ASAP3: variants seen among roughly 807,000 people sequenced by gnomAD.
The protein encoded by ASAP3 is ArfGAP with SH3 domain, ankyrin repeat and PH domain 3.
Under a neutral mutation model 118.2 loss-of-function variants are expected in ASAP3, and 85 were observed. The ratio of observed to expected loss-of-function variants is 0.72; its 90% CI spans 0.60 to 0.86. The LOEUF is 0.86. Ranked by LOEUF, ASAP3 falls within the 40% of genes least tolerant of loss-of-function variation. The pLI, the probability that ASAP3 is intolerant of heterozygous loss-of-function variation, is 0.00. For synonymous variants in ASAP3, 432 were observed against 477.4 expected (o/e 0.90, Z 1.24); for missense variants, 1,026 against 1,175.0 (o/e 0.87, Z 1.85).
At chr1:23,442,825 T>C (rs948249363) in intron 5 of ASAP3, among the ~76,000 whole-genome samples, 7 of 152,140 alleles carry the variant, frequency 4.6e-5, no homozygotes, top group Middle Eastern at 3.4e-3. Context: ...CGCAGAGAAC[T>C]ATGGGAGAGA....
chr1:23,457,934 G>C (rs1641441093), intron 1 of ASAP3, among the ~76,000 whole-genome samples: 1 of 152,220 alleles, frequency 6.6e-6, no homozygotes, highest in Non-Finnish European at 1.5e-5. Context: ...ACAGGATTTA[G>C]CTTGGTGCTA....
Position 23,438,721 on chromosome 1 carries a change from G to A in ASAP3, c.1102+26C>T, listed in dbSNP as rs78903526. 4.7e-4 allele frequency: 759 copies of A among 1,607,694 alleles called. 4 individuals carry two copies. The African/African-American group carries it at 9.1e-3, about 19-fold the overall frequency. Reference sequence around the variant, plus strand: ...AGAGAAGCCCTGAGCAGCTGTGGGTGGGGGAGAGGCACAGGGACCACTCAC... The same window carrying A: ...AGAGAAGCCCTGAGCAGCTGTGGGTAGGGGAGAGGCACAGGGACCACTCAC... On this transcript the variant is annotated intron_variant, in intron 12 of 24. Transcript: ENST00000336689. This position sits in a 1 kb window ranked among gnomAD's most constrained non-coding sequence, Gnocchi z 4.9.
rs143578284 is a variant in ASAP3 at position 23,475,737 on chromosome 1, A to G, written c.129+8268T>C. ...TGTAACCCTAACATTTTGGGAGGCC[A>G]AGGCAAGAGGATCACTTAAGCCCAA... On this transcript the variant is annotated intron_variant, in intron 1 of 24. Coordinates refer to ENST00000336689, the MANE Select transcript of ASAP3 (RefSeq NM_017707.4). Among the ~76,000 whole-genome samples the G allele has an allele frequency of 2.4e-4, 37 of 152,308 alleles. No individual in the cohort carries two copies. The East Asian group carries it at 7.1e-3, about 29-fold the overall frequency.
In ASAP3 at chr1:23,460,236, G is replaced by C. The variant is rs138109623; in HGVS notation, c.130-4042C>G. The stretch of plus-strand genomic sequence containing the variant: ...TACTGGCAAAGGGAGGCCGGGCACG[G>C]TGGTTCACGCCTATAATCCCAGCAC... On this transcript the variant is annotated intron_variant, in intron 1 of 24. Coordinates refer to ENST00000336689, the MANE Select transcript of ASAP3 (RefSeq NM_017707.4). Among the ~76,000 whole-genome samples the C allele has an allele frequency of 5.1e-3, 782 of 152,240 alleles. 9 individuals are homozygous for C. Among genetic ancestry groups the C allele is most frequent in the African/African-American group, 0.017 (725 of 41,534 alleles).
chr1:23,442,155 G>A (rs767143560), intron 7 of ASAP3, 31 bp downstream of exon 7: 2 of 1,572,182 alleles, frequency 1.3e-6, no homozygotes, highest in South Asian at 2.3e-5. Flanking sequence ...CACTGGAAGG[G>A]TTAGTGGCAG....
At chr1:23,481,172 T>G (rs1454209493) in intron 1 of ASAP3, among the ~76,000 whole-genome samples, 1 of 152,188 alleles carries the variant, frequency 6.6e-6, no homozygotes, top group African/African-American at 2.4e-5. Context: ...CTAGCTGGTC[T>G]CTATCTTAAA....
At chr1:23,442,881 G>A (rs1166778957) in intron 5 of ASAP3, among the ~76,000 whole-genome samples, 1 of 152,208 alleles carries the variant, frequency 6.6e-6, no homozygotes, top group Non-Finnish European at 1.5e-5. Context: ...AGTGATGTCT[G>A]AGCTGGGATC....
intron 5 of ASAP3, among the ~76,000 whole-genome samples, chr1:23,448,447 T>C (rs1477586013): frequency 1.3e-5 from 2 of 152,272 alleles, no homozygotes; most frequent in African/African-American, 4.8e-5. Context: ...GCTGCTATTA[T>C]TACTAATTAT....
intron 5 of ASAP3, among the ~76,000 whole-genome samples, chr1:23,444,894 C>T (rs1640999973): frequency 6.6e-6 from 1 of 151,236 alleles, no homozygotes; most frequent in African/African-American, 2.4e-5. Context: ...CCTCCACCCA[C>T]TAGCTGCCAG....
chr1:23,476,325 AAT>A (rs1033309131), intron 1 of ASAP3, among the ~76,000 whole-genome samples: 6 of 151,912 alleles, frequency 3.9e-5, no homozygotes, highest in African/African-American at 1.4e-4. Flanking sequence ...CAGCCTGGGC[AAT>A]ACAGTGAGAC....
At chr1:23,447,811 A>T (rs1641095306) in intron 5 of ASAP3, among the ~76,000 whole-genome samples, 1 of 151,838 alleles carries the variant, frequency 6.6e-6, no homozygotes, top group Non-Finnish European at 1.5e-5. Flanking sequence ...CGTGAAGTAC[A>T]CAACTTTGTC....
At chr1:23,443,556 C>G (rs1640947056) in intron 5 of ASAP3, among the ~76,000 whole-genome samples, 3 of 152,030 alleles carry the variant, frequency 2.0e-5, no homozygotes, top group African/African-American at 4.8e-5. Context: ...CTTTTATTTT[C>G]TTTTTCTTTC....
At chr1:23,483,343 AAGAGG>A (rs1642372320) in intron 1 of ASAP3, among the ~76,000 whole-genome samples, 1 of 152,168 alleles carries the variant, frequency 6.6e-6, no homozygotes, top group Admixed American at 6.5e-5. Context: ...AGGTTCAGAG[AAGAGG>A]AATGGAAGGA....
chr1:23,458,923 C>G (rs561110971), intron 1 of ASAP3, among the ~76,000 whole-genome samples: 1 of 152,008 alleles, frequency 6.6e-6, no homozygotes, highest in Non-Finnish European at 1.5e-5. Flanking sequence ...GTAATCCTAG[C>G]ACTCTGGGAG....
At chr1:23,463,696 G>C (rs972704899) in intron 1 of ASAP3, among the ~76,000 whole-genome samples, 1 of 152,150 alleles carries the variant, frequency 6.6e-6, no homozygotes, top group African/African-American at 2.4e-5. Context: ...CCGTCTCCCA[G>C]GTTCAAATGA....
intron 21 of ASAP3, 30 bp from the exon 22 acceptor site, chr1:23,433,302 C>A (rs766736887): frequency 6.2e-7 from 1 of 1,604,398 alleles, no homozygotes; most frequent in Non-Finnish European, 8.5e-7. Flanking sequence ...AGGATGAGGA[C>A]AGCCTGGTTC....
intron 3 of ASAP3, among the ~76,000 whole-genome samples, chr1:23,454,808 C>T (rs1319678683): frequency 6.6e-6 from 1 of 152,204 alleles, no homozygotes; most frequent in Non-Finnish European, 1.5e-5. Context: ...TCCTCATTAC[C>T]GCTCTGTGAG....
chr1:23,430,309 C>G (rs935275449), intron 24 of ASAP3, among the ~76,000 whole-genome samples: 2 of 152,190 alleles, frequency 1.3e-5, no homozygotes, highest in African/African-American at 4.8e-5. Context: ...CCAACACAAC[C>G]AATGCCATTC....
At chr1:23,434,790 C>T (rs1167616677) in intron 17 of ASAP3, among the ~76,000 whole-genome samples, 172 bp from the exon 18 acceptor site, 1 of 152,110 alleles carries the variant, frequency 6.6e-6, no homozygotes, top group Admixed American at 6.5e-5. Flanking sequence ...AGGTGAAGGG[C>T]CATTCTCCCA....
Sources: gnomAD v4.1 joint callset for allele counts (sites outside exome capture counted in the v4.1 genomes callset) on GRCh38, gnomAD v4.1.1 for gene constraint, Gnocchi (gnomAD v3.1) non-coding constraint, MANE v1.5 for transcripts, NCBI Gene and HGNC (gene_info 2026-07-23, HGNC 2026-07-21) for gene names.